Variants in OSTF1 observed in about 807,000 individuals in gnomAD.
OSTF1 encodes the protein osteoclast-stimulating factor 1.
Under a neutral mutation model 37.2 loss-of-function variants are expected in OSTF1, and 27 were observed. The observed-to-expected ratio is 0.73, with a 90% CI of 0.54 to 1.00. The LOEUF (loss-of-function observed/expected upper bound fraction) is 1.00, where lower values mean the gene tolerates loss of function less well. OSTF1 is among the 50% of genes least tolerant of loss of function. OSTF1 has a pLI of 0.00. For missense variants in OSTF1, 232 were observed against 253.8 expected (o/e 0.91, Z 0.58); for synonymous variants, 82 against 89.2 (o/e 0.92, Z 0.46).
At chr9:75,106,965 GAAAAAGAAAAAGAAAA>G (rs1258093695) in intron 1 of OSTF1, among the ~76,000 whole-genome samples, 2 of 107,956 alleles carry the variant, frequency 1.9e-5, no homozygotes, top group Non-Finnish European at 4.0e-5. Context: ...AAAAAAAAAA[GAAAAAGAAAAAGAAAA>G]AAAAAGAAAA....
At chr9:75,134,468 A>T in intron 7 of OSTF1, 73 bp downstream of exon 7, 1 of 735,750 alleles carries the variant, frequency 1.4e-6, no homozygotes, top group Non-Finnish European at 2.3e-6. Context: ...ACTCATGGGC[A>T]TGTGAAGTAT....
At chr9:75,102,303 T>C (rs1429128897) in intron 1 of OSTF1, among the ~76,000 whole-genome samples, 1 of 152,210 alleles carries the variant, frequency 6.6e-6, no homozygotes, top group Non-Finnish European at 1.5e-5. Flanking sequence ...ATTTCATCTC[T>C]AAACAGTGGA....
At chr9:75,095,029 C>G (rs563530285) in intron 1 of OSTF1, among the ~76,000 whole-genome samples, 133 of 152,212 alleles carry the variant, frequency 8.7e-4, no homozygotes, top group Non-Finnish European at 1.3e-3. Context: ...GACCCTGTCT[C>G]AAATAAACAA....
intron 7 of OSTF1, among the ~76,000 whole-genome samples, chr9:75,135,645 C>G (rs1264521218): frequency 1.3e-5 from 2 of 152,134 alleles, no homozygotes; most frequent in African/African-American, 4.8e-5. Context: ...TTTTCTATTG[C>G]TGCCTAGCAA....
At chr9:75,129,342 C>G (rs1825728624) in intron 3 of OSTF1, among the ~76,000 whole-genome samples, 1 of 152,030 alleles carries the variant, frequency 6.6e-6, no homozygotes, top group Non-Finnish European at 1.5e-5. Flanking sequence ...AATTTCTTAC[C>G]TGGGCAATCT....
chr9:75,093,060 C>CTTTTTTTTTTTTTTTTTTT (rs1433476660), intron 1 of OSTF1, among the ~76,000 whole-genome samples: 1 of 134,950 alleles, frequency 7.4e-6, no homozygotes, highest in African/African-American at 3.1e-5. Flanking sequence ...CTCTTTCTTT[C>CTTTTTTTTTTTTTTTTTTT]TTTCTTTTTT....
chr9:75,137,726 G>T, intron 8 of OSTF1, 110 bp downstream of exon 8: 4 of 705,720 alleles, frequency 5.7e-6, no homozygotes, highest in East Asian at 5.3e-5. Context: ...TTCAAAATAG[G>T]GTTTAACCTT....
At chr9:75,128,699 C>G in intron 3 of OSTF1, among the ~76,000 whole-genome samples, 1 of 146,286 alleles carries the variant, frequency 6.8e-6, no homozygotes, top group Non-Finnish European at 1.5e-5. Context: ...GTAGGTATTG[C>G]TAATTCTGAG....
At chr9:75,142,413 G>A (rs1302132928) in intron 9 of OSTF1, among the ~76,000 whole-genome samples, 1 of 152,168 alleles carries the variant, frequency 6.6e-6, no homozygotes, top group Non-Finnish European at 1.5e-5. Flanking sequence ...CTGACTTCCT[G>A]TTGTGTGGCT....
chr9:75,088,579 A>G lies in OSTF1; in HGVS notation c.-114A>G, dbSNP rs921725499. ...GCCAAGGGTGGGCGCCGGTCCTAGG[A>G]GGCGCACGGTTGTAAGCCAGACAAA... On this transcript the variant is annotated 5_prime_UTR_variant, in exon 1 of 10. Coordinates refer to ENST00000346234, the MANE Select transcript of OSTF1 (RefSeq NM_012383.5). 4 of 1,144,886 alleles carry G rather than the reference A, an allele frequency of 3.5e-6. No homozygotes were observed. The highest frequency in any genetic ancestry group is 5.1e-6 in the Non-Finnish European group (4 of 779,560). The allele number at this position is 1,144,886 out of a possible 1,614,324, so 70.9% of individuals were successfully genotyped here.
chr9:75,113,933 C>T (rs1825436545), intron 1 of OSTF1, among the ~76,000 whole-genome samples: 1 of 152,184 alleles, frequency 6.6e-6, no homozygotes, highest in Non-Finnish European at 1.5e-5. Flanking sequence ...CTTTAACCAG[C>T]ATCCCCCCAA....
chr9:75,146,901 C>T lies in OSTF1; in HGVS notation c.*160C>T, dbSNP rs191194876. On this transcript the variant is annotated 3_prime_UTR_variant, in exon 10 of 10. Coordinates refer to ENST00000346234, the MANE Select transcript of OSTF1 (RefSeq NM_012383.5). ...GAACGTGTAAATGAATTGTTCCCACCTTTGGTTTGCCAGTAAGTGACTGGA... is the reference window on the plus strand; with the variant it reads ...GAACGTGTAAATGAATTGTTCCCACTTTTGGTTTGCCAGTAAGTGACTGGA... 2.0e-6 allele frequency: 1 copy of T among 501,182 alleles called. No homozygotes were observed. Among genetic ancestry groups the T allele is most frequent in the Non-Finnish European group, 3.4e-6 (1 of 290,654 alleles). The allele number at this position is 501,182 out of a possible 1,614,324, so 31.0% of individuals were successfully genotyped here. A position where few individuals can be genotyped will look rare whatever the true frequency, so the allele number is the denominator to read the frequency against.
chr9:75,127,894 G>A (rs1825685911), intron 3 of OSTF1, among the ~76,000 whole-genome samples: 1 of 151,212 alleles, frequency 6.6e-6, no homozygotes, highest in Admixed American at 6.6e-5. Context: ...AGTAATTTAA[G>A]TGAAAAAAAA....
chr9:75,132,270 G>A (rs953431321), intron 5 of OSTF1, among the ~76,000 whole-genome samples: 3 of 152,202 alleles, frequency 2.0e-5, no homozygotes, highest in South Asian at 4.1e-4. Flanking sequence ...TTAGGAGAGC[G>A]TTGGTGTGGT....
At chr9:75,127,393 T>C in intron 2 of OSTF1, among the ~76,000 whole-genome samples, 176 bp from the exon 3 acceptor site, 2 of 152,298 alleles carry the variant, frequency 1.3e-5, no homozygotes, top group South Asian at 4.1e-4. Context: ...GGGAAAAAAA[T>C]CTAGCCGTCT....
intron 2 of OSTF1, among the ~76,000 whole-genome samples, chr9:75,118,473 T>C (rs1244990592): frequency 1.3e-5 from 2 of 151,812 alleles, no homozygotes; most frequent in Non-Finnish European, 2.9e-5. Flanking sequence ...CTGGGTAAGA[T>C]TGGAGGTGAG....
intron 8 of OSTF1, among the ~76,000 whole-genome samples, chr9:75,138,803 A>G (rs1036692307): frequency 6.6e-6 from 1 of 151,986 alleles, no homozygotes; most frequent in Admixed American, 6.6e-5. Flanking sequence ...AATCATGTCT[A>G]TGAGCTCTAA....
chr9:75,128,427 A>T (rs1244017403), intron 3 of OSTF1, among the ~76,000 whole-genome samples: 18 of 81,838 alleles, frequency 2.2e-4, no homozygotes, highest in Non-Finnish European at 2.8e-4. Flanking sequence ...ATATATATAT[A>T]TTTTGTCCAT....
intron 9 of OSTF1, among the ~76,000 whole-genome samples, chr9:75,146,063 T>G (rs77419700): frequency 0.011 from 1,654 of 152,350 alleles, 17 homozygotes; most frequent in Admixed American, 0.017. Flanking sequence ...CTTGGGCTAA[T>G]CTGTTGCTAT....
Sources: gnomAD v4.1 joint callset for allele counts (sites outside exome capture counted in the v4.1 genomes callset) on GRCh38, gnomAD v4.1.1 for gene constraint, MANE v1.5 for transcripts, NCBI Gene and HGNC (gene_info 2026-07-23, HGNC 2026-07-21) for gene names.